The following SPCS2 variants were observed in gnomAD, a reference collection of about 807,000 sequenced individuals.
SPCS2 encodes signal peptidase complex subunit 2, also known as SPase 25 kDa subunit.
Under a neutral mutation model 22.3 loss-of-function variants are expected in SPCS2, and 3 were observed. The ratio of observed to expected loss-of-function variants is 0.13; its 90% confidence interval spans 0.06 to 0.35. The LOEUF is 0.35. Among genes scored for constraint, SPCS2 ranks in the 10% least tolerant of loss-of-function variants. The pLI, the probability that SPCS2 is intolerant of heterozygous loss-of-function variation, is 1.00. For synonymous variants in SPCS2, 67 were observed against 97.2 expected, an observed-to-expected ratio of 0.69 and a Z score of 1.83; for missense variants, 169 against 280.9, an observed-to-expected ratio of 0.60 and a Z score of 2.85.
At chr11:74,967,505 T>C (rs1948553944) in intron 3 of SPCS2, among the ~76,000 whole-genome samples, 1 of 152,188 alleles carries the variant, frequency 6.6e-6, no homozygotes, top group South Asian at 2.1e-4. Flanking sequence ...ATCCCAACAC[T>C]TTGAGAGGCC....
At chr11:74,967,964 C>T (rs1318258811) in intron 3 of SPCS2, among the ~76,000 whole-genome samples, 1 of 151,894 alleles carries the variant, frequency 6.6e-6, no homozygotes, top group African/African-American at 2.4e-5. Flanking sequence ...TCCTAGACTG[C>T]ATATATCCTT....
intron 4 of SPCS2, among the ~76,000 whole-genome samples, chr11:74,972,012 C>T (rs1049720535): frequency 2.6e-5 from 4 of 152,174 alleles, no homozygotes; most frequent in African/African-American, 9.7e-5. Flanking sequence ...AGAAGCCTTC[C>T]CTGACATACC....
rs1452534348 is a variant in SPCS2, at chr11:74,979,025, G to A, written c.*1982G>A. 3.3e-5 allele frequency: 5 copies of A among 152,156 alleles called. No homozygotes were observed. Among genetic ancestry groups the A allele is most frequent in the African/African-American group, 1.2e-4 (5 of 41,432 alleles). 9.4% of individuals were successfully genotyped at this position (152,156 alleles called of 1,614,324 possible). A position where few individuals can be genotyped will look rare whatever the true frequency, so the allele number is the denominator to read the frequency against. On this transcript the variant is annotated 3_prime_UTR_variant, in exon 5 of 5. Transcript: ENST00000263672. ...ATGCAGCTATTAAAAATGAGTCTGA[G>A]GCCAGGCATGGTGGCTCACGCCTTT... is the stretch of plus-strand genomic sequence containing the variant.
chr11:74,969,679 G>C lies in SPCS2; in HGVS notation c.474G>C (p.Gln158His). Residue 158 changes from glutamine (Q) to histidine (H), a missense_variant, in exon 4 of 5, where the codon CAG (glutamine) becomes CAC (histidine). By Grantham distance (24) the Gln-to-His change is conservative. Around this residue, in one of 2 missense-constraint regions of SPCS2, gnomAD observed 118 missense variants for 243.1 expected, o/e 0.49. Transcript: ENST00000263672. The part of the protein sequence containing the change: ...PTGMDPDDIW[Q>H]LSSSLKRFDD... ...GAATGGATCCTGATGATATTTGGCA[G>C]CTGTCCTCCAGTCTTAAAAGGTATG... 3 of 1,613,690 alleles carry C rather than the reference G, an allele frequency of 1.9e-6. No individual in the cohort carries two copies. The highest frequency in any genetic ancestry group is 1.7e-6 in the Non-Finnish European group (2 of 1,179,680).
chr11:74,965,214 T>C, intron 2 of SPCS2, 97 bp downstream of exon 2: 1 of 808,874 alleles, frequency 1.2e-6, no homozygotes, highest in Non-Finnish European at 1.9e-6. Context: ...GACCTTAGTT[T>C]TCAGTGTTAG....
chr11:74,955,854 ATATAT>A (rs1948475323), intron 1 of SPCS2, among the ~76,000 whole-genome samples: 1 of 72,138 alleles, frequency 1.4e-5, no homozygotes, highest in African/African-American at 1.1e-4. Context: ...TAATTAAAAT[ATATAT>A]ATATATATAT....
At chr11:74,976,549 A>T (rs1948615104) in intron 4 of SPCS2, among the ~76,000 whole-genome samples, 1 of 152,210 alleles carries the variant, frequency 6.6e-6, no homozygotes, top group South Asian at 2.1e-4. Context: ...CCTGTCTAGC[A>T]TGGCAAATAC....
intron 1 of SPCS2, among the ~76,000 whole-genome samples, chr11:74,954,931 A>G (rs1948468056): frequency 6.6e-6 from 1 of 152,230 alleles, no homozygotes; most frequent in African/African-American, 2.4e-5. Flanking sequence ...ACATTTCTCC[A>G]TAGAAGACGT....
At chr11:74,967,621 T>C (rs1035104681) in intron 3 of SPCS2, among the ~76,000 whole-genome samples, 1 of 152,174 alleles carries the variant, frequency 6.6e-6, no homozygotes, top group Non-Finnish European at 1.5e-5. Context: ...TGGTGGCGCA[T>C]GCCTGTAGTC....
intron 3 of SPCS2, among the ~76,000 whole-genome samples, chr11:74,967,436 A>G (rs1352445082): frequency 8.4e-6 from 1 of 119,050 alleles, no homozygotes; most frequent in Admixed American, 7.6e-5. Flanking sequence ...TTTATTTATA[A>G]TGTAGGGACT....
At position 74,949,584 on chromosome 11, in the gene SPCS2, C is replaced by T. The variant is rs1234794770; in HGVS notation, c.114+185C>T. 4.5e-6 allele frequency: 3 copies of T among 671,582 alleles called. 1 individual carries two copies. Among genetic ancestry groups the T allele is most frequent in the South Asian group, 1.5e-5 (1 of 66,548 alleles). The allele number at this position is 671,582 out of a possible 1,614,324, so 41.6% of individuals were successfully genotyped here. On this transcript the variant is annotated intron_variant, in intron 1 of 4. Transcript: ENST00000263672. ...CCCTCATCACACTTCAAACCTGGACCCGGTCCTCTTTAGAACTTCTTCTTT... is the reference window on the plus strand; with the variant it reads ...CCCTCATCACACTTCAAACCTGGACTCGGTCCTCTTTAGAACTTCTTCTTT...
At chr11:74,959,641 G>A (rs760471839) in intron 1 of SPCS2, among the ~76,000 whole-genome samples, 1 of 152,142 alleles carries the variant, frequency 6.6e-6, no homozygotes. Context: ...GAACTCAAGC[G>A]ATCCTTCCAC....
At chr11:74,963,716 T>C in intron 1 of SPCS2, 1 of 322,226 alleles carries the variant, frequency 3.1e-6, no homozygotes, top group Non-Finnish European at 6.2e-6. Context: ...TCTTTATTTC[T>C]TATAGGCATT....
intron 4 of SPCS2, among the ~76,000 whole-genome samples, chr11:74,975,873 C>G (rs1042120014): frequency 6.6e-6 from 1 of 152,198 alleles, no homozygotes; most frequent in Non-Finnish European, 1.5e-5. Context: ...ACTAGCTTGA[C>G]AATCCACTGA....
At chr11:74,968,656 A>C (rs1266545072) in intron 3 of SPCS2, among the ~76,000 whole-genome samples, 1 of 151,720 alleles carries the variant, frequency 6.6e-6, no homozygotes, top group Non-Finnish European at 1.5e-5. Context: ...CCTGAGTAGC[A>C]GGACTACAGG....
chr11:74,970,267 CA>C (rs539546977), intron 4 of SPCS2, among the ~76,000 whole-genome samples: 31 of 152,078 alleles, frequency 2.0e-4, no homozygotes, highest in Non-Finnish European at 4.6e-4. Context: ...TTAGTGGGGT[CA>C]AAAATGATGC....
intron 4 of SPCS2, among the ~76,000 whole-genome samples, chr11:74,972,957 C>T (rs1351713851): frequency 6.6e-6 from 1 of 150,924 alleles, no homozygotes; most frequent in African/African-American, 2.4e-5. Context: ...TCTCAGTAAA[C>T]TACCGCAAGA....
At chr11:74,957,054 G>A (rs116724092) in intron 1 of SPCS2, among the ~76,000 whole-genome samples, 1,749 of 151,948 alleles carry the variant, frequency 0.012, 46 homozygotes, top group African/African-American at 0.04. Context: ...AATTATATGC[G>A]TATTTGTTTA....
intron 4 of SPCS2, among the ~76,000 whole-genome samples, chr11:74,972,900 T>A (rs1441259102): frequency 1.3e-5 from 2 of 150,968 alleles, no homozygotes; most frequent in African/African-American, 4.9e-5. Context: ...ATATATTTTT[T>A]TTTTTCCTGC....
Sources: gnomAD v4.1 joint callset for allele counts (sites outside exome capture counted in the v4.1 genomes callset) on GRCh38, gnomAD v4.1.1 for gene constraint, gnomAD v4.1.1 regional missense constraint, MANE v1.5 for transcripts, NCBI Gene and HGNC (gene_info 2026-07-23, HGNC 2026-07-21) for gene names.